Variants in KRT19 observed in about 807,000 individuals in gnomAD.
KRT19 encodes the protein keratin 19, also known as keratin, type I cytoskeletal 19.
KRT19 carries 21 observed loss-of-function variants against 34.6 expected under a neutral mutation model. That is an observed-to-expected ratio of 0.61 (90% CI 0.43 to 0.87). The LOEUF is 0.87. Among genes scored for constraint, KRT19 ranks in the 40% least tolerant of loss-of-function variants. The pLI is 0.00. For synonymous variants in KRT19, 240 were observed against 245.8 expected (o/e 0.98, Z 0.22); for missense variants, 514 against 545.7 (o/e 0.94, Z 0.58).
chr17:41,525,357 A>C (rs1905826836), intron 1 of KRT19, 84 bp from the exon 2 acceptor site: 1 of 1,016,026 alleles, frequency 9.8e-7, no homozygotes. Context: ...AGAGGGGAGC[A>C]AATGAATATA....
At chr17:41,524,350 C>T in intron 4 of KRT19, 29 bp downstream of exon 4, 1 of 1,613,654 alleles carries the variant, frequency 6.2e-7, no homozygotes, top group Non-Finnish European at 8.5e-7. Context: ...TTCCTAACCC[C>T]CAAAGGGTGC....
At chr17:41,526,143 T>A (rs1185007214) in intron 1 of KRT19, among the ~76,000 whole-genome samples, 1 of 151,910 alleles carries the variant, frequency 6.6e-6, no homozygotes, top group African/African-American at 2.4e-5. Context: ...AGCTAATTTT[T>A]TTTTGTATTT....
In KRT19 at chr17:41,525,240, C is replaced by A. The variant is rs773827171; in HGVS notation, c.454G>T (p.Val152Phe). The A allele has an allele frequency of 1.2e-6, 2 of 1,613,990 alleles. No homozygotes were observed. Among genetic ancestry groups the A allele is most frequent in the Non-Finnish European group, 8.5e-7 (1 of 1,179,888 alleles). Residue 152 changes from valine (V) to phenylalanine (F), a missense_variant, in exon 2 of 6, where the codon GTC (valine) becomes TTC (phenylalanine). Physicochemically the swap from Val to Phe is conservative, Grantham distance 50 (BLOSUM62 -1). Coordinates refer to ENST00000361566, the MANE Select transcript of KRT19 (RefSeq NM_002276.5). ...AGACGGGCATTGTCGATCTGCAGGACAATCCTGGAGTTCTCAATGGTGGCA... is the reference window on the plus strand; with the variant it reads ...AGACGGGCATTGTCGATCTGCAGGAAAATCCTGGAGTTCTCAATGGTGGCA... The part of the protein sequence containing the change: ...LGATIENSRI[V>F]LQIDNARLAA...
At chr17:41,527,549 G>T (rs1029017080) in intron 1 of KRT19, among the ~76,000 whole-genome samples, 3 of 152,138 alleles carry the variant, frequency 2.0e-5, no homozygotes, top group Non-Finnish European at 4.4e-5. Flanking sequence ...TCCCTTCTTC[G>T]TCCCGGGGCT....
chr17:41,525,324 C>G (rs1476566281), intron 1 of KRT19, 51 bp from the exon 2 acceptor site: 1 of 1,268,642 alleles, frequency 7.9e-7, no homozygotes, highest in Non-Finnish European at 1.2e-6. Context: ...AGGCACTGCC[C>G]ACTCACTTTC....
Position 41,528,098 on chromosome 17 carries a change from G to A in KRT19, c.150C>T (p.Ala50=), listed in dbSNP as rs780570359. The change falls in exon 1 of 6, where the codon GCC becomes GCT. Residue 50 remains alanine (A), a synonymous_variant. Coordinates refer to ENST00000361566, the MANE Select transcript of KRT19 (RefSeq NM_002276.5). ...SGGRGVSVSS[A]RFVSSSSSGA... The stretch of plus-strand genomic sequence containing the variant: ...CCGAGGAGGACGAGGACACAAAGCG[G>A]GCGGAGGACACGGATACGCCGCGGC... 31 of 1,609,910 alleles carry A rather than the reference G, an allele frequency of 1.9e-5. No individual in the cohort carries two copies. In the South Asian group the frequency reaches 2.5e-4, roughly 13 times the overall value.
In KRT19 at chr17:41,525,490, G is replaced by T. The variant is rs985299009; in HGVS notation, c.421-217C>A. ...GCAGGAAGAAAACTGGAGCCAGGGG[G>T]ACTTGGGTGGGGGAGGGCAGGAAGG... On this transcript the variant is annotated intron_variant, in intron 1 of 5. Transcript: ENST00000361566. 94 of 556,468 alleles carry T rather than the reference G, an allele frequency of 1.7e-4. 1 individual carries two copies. The highest frequency in any genetic ancestry group is 5.5e-5 in the Non-Finnish European group (17 of 310,722). The allele number at this position is 556,468 out of a possible 1,614,324, so 34.5% of individuals were successfully genotyped here. A position where few individuals can be genotyped will look rare whatever the true frequency, so the allele number is the denominator to read the frequency against.
chr17:41,524,640 CA>C, intron 3 of KRT19, 100 bp from the exon 4 acceptor site: 1 of 1,377,046 alleles, frequency 7.3e-7, no homozygotes, highest in South Asian at 1.3e-5. Flanking sequence ...GCTTAGTTTT[CA>C]GGTGCAGGCC....
chr17:41,525,544 T>C, intron 1 of KRT19: 1 of 471,912 alleles, frequency 2.1e-6, no homozygotes, highest in Non-Finnish European at 3.9e-6. Flanking sequence ...CTCTGAGACC[T>C]GTGTGCAATG....
intron 1 of KRT19, among the ~76,000 whole-genome samples, chr17:41,526,648 TG>T (rs1206480030): frequency 7.7e-6 from 1 of 129,850 alleles, no homozygotes; most frequent in African/African-American, 2.9e-5. Context: ...CTCGGCTCAC[TG>T]CAGCCTCCGC....
chr17:41,523,993 G>A lies in KRT19; in HGVS notation c.953C>T (p.Ala318Val). 1 of 1,609,864 alleles carries A rather than the reference G, an allele frequency of 6.2e-7. No individual in the cohort carries two copies. Residue 318 changes from alanine to valine, a missense_variant, in exon 6 of 6, where the codon GCT becomes GTT. Ala to Val is a moderately conservative substitution (Grantham distance 64). Coordinates refer to ENST00000361566, the MANE Select transcript of KRT19 (RefSeq NM_002276.5). ...IELQSQLSMK[A>V]ALEDTLAETE... The stretch of plus-strand genomic sequence containing the variant: ...TTCTGCCAGTGTGTCTTCCAAGGCA[G>A]CTTTCTGAGGATAGGGAGAGGGGGT...
rs769775471 is a variant in KRT19, at chr17:41,524,949, C to T, written c.554G>A (p.Gly185Asp). 2.5e-6 allele frequency: 4 copies of T among 1,614,044 alleles called. No homozygotes were observed. Among genetic ancestry groups the T allele is most frequent in the Admixed American group, 1.7e-5 (1 of 60,014 alleles). Reference sequence around the variant, plus strand: ...CAGCTCATCCAGCACCCTGCGCAGGCCGTTGATGTCGGCCTCCACGCTCAT... The same window carrying T: ...CAGCTCATCCAGCACCCTGCGCAGGTCGTTGATGTCGGCCTCCACGCTCAT... Reference protein sequence around the residue: ...LRMSVEADINGLRRVLDELTL... With the variant: ...LRMSVEADINDLRRVLDELTL... Residue 185 changes from glycine (G) to aspartate (D), a missense_variant, in exon 3 of 6, where the codon GGC becomes GAC. Gly to Asp is a moderately conservative substitution (Grantham distance 94). Coordinates refer to ENST00000361566, the MANE Select transcript of KRT19 (RefSeq NM_002276.5).
chr17:41,525,414 T>C, intron 1 of KRT19, 141 bp from the exon 2 acceptor site: 3 of 700,532 alleles, frequency 4.3e-6, no homozygotes, highest in East Asian at 5.3e-5. Context: ...CTGCCGCCCA[T>C]TGGCCCGCTC....
chr17:41,524,047 G>A lies in KRT19; in HGVS notation c.949-50C>T, dbSNP rs145636969. The stretch of plus-strand genomic sequence containing the variant: ...GACTCAGCAGAGCCTGGTTCCCGGA[G>A]AGGGCATGGGCACAGCCACCGGCCA... On this transcript the variant is annotated intron_variant, in intron 5 of 5. Transcript: ENST00000361566. 1.9e-4 allele frequency: 304 copies of A among 1,600,536 alleles called. 1 individual carries two copies. In the African/African-American group the frequency reaches 2.4e-3, roughly 13 times the overall value.
At chr17:41,525,338 C>T (rs931123186) in intron 1 of KRT19, 65 bp from the exon 2 acceptor site, 1 of 1,188,666 alleles carries the variant, frequency 8.4e-7, no homozygotes, top group South Asian at 1.2e-5. Flanking sequence ...CACTTTCTTC[C>T]CAGAAGAGAG....
rs778284613 is a variant in KRT19 at position 41,523,893 on chromosome 17, A to G, written c.1053T>C (p.Asp351=). ...TCTGCCGCTCACTATCAGCTCGCACATCGCCCAGCTGGGCTTCAATACCGC... is the reference window on the plus strand; with the variant it reads ...TCTGCCGCTCACTATCAGCTCGCACGTCGCCCAGCTGGGCTTCAATACCGC... ...LISGIEAQLG[D]VRADSERQNQ... Residue 351 remains aspartate, a synonymous_variant, in exon 6 of 6, where the codon GAT becomes GAC. Transcript: ENST00000361566. 13 of 1,614,000 alleles carry G rather than the reference A, an allele frequency of 8.1e-6. No homozygotes were observed. The highest frequency in any genetic ancestry group is 1.0e-5 in the Non-Finnish European group (12 of 1,180,056).
At position 41,527,937 on chromosome 17, in the gene KRT19, G is replaced by A; in HGVS notation, c.311C>T (p.Ala104Val). ...YLDKVRALEA[A>V]NGELEVKIRD... The stretch of plus-strand genomic sequence containing the variant: ...GATCTTCACCTCTAGCTCGCCGTTG[G>A]CCGCCTCCAGGGCGCGCACCTTGTC... Residue 104 changes from alanine to valine, a missense_variant, in exon 1 of 6, where the codon GCC becomes GTC. By Grantham distance (64) the Ala-to-Val change is moderately conservative. Transcript: ENST00000361566. 6.2e-7 allele frequency: 1 copy of A among 1,613,740 alleles called. No homozygotes were observed. Among genetic ancestry groups the A allele is most frequent in the Non-Finnish European group, 8.5e-7 (1 of 1,179,898 alleles).
intron 3 of KRT19, 40 bp from the exon 4 acceptor site, chr17:41,524,580 ACC>A: frequency 6.3e-7 from 1 of 1,599,484 alleles, no homozygotes; most frequent in Non-Finnish European, 8.6e-7. Context: ...CAGGGCCCAG[ACC>A]CCACTGGGCC....
intron 1 of KRT19, 189 bp from the exon 2 acceptor site, chr17:41,525,462 G>A (rs1905831132): frequency 8.6e-6 from 5 of 583,214 alleles, no homozygotes; most frequent in Non-Finnish European, 1.5e-5. Context: ...CCCAGAAGCT[G>A]GGGCAGGAAG....
Sources: allele counts gnomAD v4.1 joint callset (sites outside exome capture counted in the v4.1 genomes callset), GRCh38; gene constraint gnomAD v4.1.1; transcripts MANE v1.5; gene names NCBI Gene and HGNC (gene_info 2026-07-23, HGNC 2026-07-21).